CEP57L1: variants seen among roughly 807,000 people sequenced by gnomAD.
CEP57L1 encodes centrosomal protein 57 like 1, also known as centrosomal protein CEP57L1.
CEP57L1 carries 37 observed loss-of-function variants against 61.0 expected under a neutral mutation model. The ratio of observed to expected loss-of-function variants is 0.61; its 90% CI spans 0.47 to 0.80. The LOEUF (loss-of-function observed/expected upper bound fraction) is 0.80. Ranked by LOEUF, CEP57L1 falls within the 30% of genes least tolerant of loss-of-function variation. The probability of loss-of-function intolerance (pLI) is 0.00; values close to 1 mark genes in which losing one functional copy is unlikely to be tolerated. For synonymous variants in CEP57L1, 137 were observed against 162.3 expected, an observed-to-expected ratio of 0.84 and a Z score of 1.19; for missense variants, 422 against 524.7, an observed-to-expected ratio of 0.80 and a Z score of 1.91.
chr6:109,171,574 T>C lies in CEP57L1; in HGVS notation c.*8604T>C, dbSNP rs1411772384. On this transcript the variant is annotated 3_prime_UTR_variant, in exon 11 of 11. Coordinates refer to ENST00000517392, the MANE Select transcript of CEP57L1 (RefSeq NM_001271852.3). ...GTTTGATTCTCTTAAACCGTTCTAC[T>C]AAAATACTATCAGTTTAAACTACCA... Among the ~76,000 whole-genome samples the C allele has an allele frequency of 8.5e-5, 13 of 152,070 alleles. No individual in the cohort carries two copies. Among genetic ancestry groups the C allele is most frequent in the Non-Finnish European group, 1.5e-5 (1 of 68,018 alleles).
chr6:109,107,940 C>CA lies in CEP57L1; in HGVS notation c.-4+12373dup, dbSNP rs200695567. 8.4e-3 allele frequency among the ~76,000 whole-genome samples: 1,260 copies of CA among 150,218 alleles called. 24 individuals are homozygous for CA. Among genetic ancestry groups the CA allele is most frequent in the African/African-American group, 0.03 (1,206 of 40,844 alleles). ...TGGGCGACACAGAGAGACTCTGTAT[C>CA]AAAAAAAAGAAAAGAAAAAATAAGT... is the stretch of plus-strand genomic sequence containing the variant. On this transcript the variant is annotated intron_variant, in intron 1 of 10. Transcript: ENST00000517392.
At chr6:109,131,430 G>A (rs1774192793) in intron 1 of CEP57L1, among the ~76,000 whole-genome samples, 1 of 152,038 alleles carries the variant, frequency 6.6e-6, no homozygotes, top group African/African-American at 2.4e-5. Context: ...TGTAATTGAA[G>A]AAGAACAAAC....
chr6:109,113,577 C>A (rs1338130947), intron 1 of CEP57L1, among the ~76,000 whole-genome samples: 2 of 152,058 alleles, frequency 1.3e-5, no homozygotes, highest in African/African-American at 4.8e-5. Flanking sequence ...AAGACTTCTT[C>A]ATTAAATCTA....
chr6:109,098,459 C>G (rs1475924203), intron 1 of CEP57L1, among the ~76,000 whole-genome samples: 1 of 151,812 alleles, frequency 6.6e-6, no homozygotes, highest in Non-Finnish European at 1.5e-5. Context: ...TTCTTTTTTC[C>G]TGAGACAGAA....
At position 109,142,320 on chromosome 6, in the gene CEP57L1, A is replaced by T. The variant is rs1583571784; in HGVS notation, c.-3-2899A>T. On this transcript the variant is annotated intron_variant, in intron 1 of 10. Transcript: ENST00000517392. ...GATCATGTCCTTGGCAGAGACATGG[A>T]TGGAGCTGGAAGCCATCATCCTTGG... Among the ~76,000 whole-genome samples the T allele has an allele frequency of 2.6e-5, 4 of 152,314 alleles. No individual in the cohort carries two copies. In the South Asian group the frequency reaches 8.3e-4, roughly 32 times the overall value.
intron 1 of CEP57L1, among the ~76,000 whole-genome samples, chr6:109,140,096 A>C (rs1201269193): frequency 6.6e-6 from 1 of 151,698 alleles, no homozygotes; most frequent in Non-Finnish European, 1.5e-5. Flanking sequence ...TTATTTATTT[A>C]TGTATTTATT....
At chr6:109,130,224 C>A (rs756067367) in intron 1 of CEP57L1, among the ~76,000 whole-genome samples, 24 of 152,176 alleles carry the variant, frequency 1.6e-4, no homozygotes, top group African/African-American at 5.8e-4. Flanking sequence ...CACTCCCCCC[C>A]AGCAACCACC....
chr6:109,112,184 G>A (rs1225120762), intron 1 of CEP57L1, among the ~76,000 whole-genome samples: 2 of 151,950 alleles, frequency 1.3e-5, no homozygotes, highest in East Asian at 3.9e-4. Flanking sequence ...GCTATTAATT[G>A]CCCCCTCAAT....
rs141855259 is a variant in CEP57L1, at chr6:109,118,486, G to A, written c.-4+22911G>A. On this transcript the variant is annotated intron_variant, in intron 1 of 10. Coordinates refer to ENST00000517392, the MANE Select transcript of CEP57L1 (RefSeq NM_001271852.3). ...AAGTCTGGTTTGAAAAAAAAGTAAG[G>A]GGCTTAATGGTGTGTCTCTGCAGCC... 3.3e-5 allele frequency among the ~76,000 whole-genome samples: 5 copies of A among 152,254 alleles called. No individual in the cohort carries two copies. The East Asian group carries it at 9.6e-4, about 29-fold the overall frequency.
Position 109,167,691 on chromosome 6 carries a change from AAG to A in CEP57L1, c.*4723_*4724del, listed in dbSNP as rs1491467082. The stretch of plus-strand genomic sequence containing the variant: ...GACTCTGCCTCAAAGCAAAAAAAAA[AAG>A]AAAAGAAAAGAAAAAAGGAATAGCC... On this transcript the variant is annotated 3_prime_UTR_variant, in exon 11 of 11. Transcript: ENST00000517392. Among the ~76,000 whole-genome samples, 173 of 151,616 alleles carry A rather than the reference AAG, an allele frequency of 1.1e-3. 1 individual carries two copies. Among genetic ancestry groups the A allele is most frequent in the African/African-American group, 4.0e-3 (163 of 41,160 alleles).
rs964326036 is a variant in CEP57L1 at position 109,167,471 on chromosome 6, C to G, written c.*4501C>G. Among the ~76,000 whole-genome samples, 2 of 152,000 alleles carry G rather than the reference C, an allele frequency of 1.3e-5. No homozygotes were observed. The highest frequency in any genetic ancestry group is 4.8e-5 in the African/African-American group (2 of 41,386). ...GCCGAGGCAGGCGGATCACCTAAGT[C>G]AGGAGTTCAACACCAGCCTGGCCAA... is the stretch of plus-strand genomic sequence containing the variant. On this transcript the variant is annotated 3_prime_UTR_variant, in exon 11 of 11. Transcript: ENST00000517392.
chr6:109,155,081 A>G, intron 5 of CEP57L1, 149 bp from the exon 6 acceptor site: 1 of 408,020 alleles, frequency 2.5e-6, no homozygotes. Flanking sequence ...AAAAATCTTA[A>G]CATCTTGTGC....
intron 1 of CEP57L1, among the ~76,000 whole-genome samples, chr6:109,122,894 C>G (rs543930098): frequency 6.6e-6 from 1 of 152,302 alleles, no homozygotes; most frequent in East Asian, 1.9e-4. Flanking sequence ...TGTAGACACA[C>G]TTCTAATAAA....
intron 4 of CEP57L1, among the ~76,000 whole-genome samples, chr6:109,151,898 C>A (rs1772653916): frequency 6.6e-6 from 1 of 152,052 alleles, no homozygotes. Context: ...AATGTGTCAT[C>A]ATTTCTCAGG....
rs1773976393 is a variant in CEP57L1 at position 109,164,713 on chromosome 6, A to G, written c.*1743A>G. Among the ~76,000 whole-genome samples, 1 of 152,176 alleles carries G rather than the reference A, an allele frequency of 6.6e-6. No individual in the cohort carries two copies. Among genetic ancestry groups the G allele is most frequent in the Non-Finnish European group, 1.5e-5 (1 of 68,034 alleles). On this transcript the variant is annotated 3_prime_UTR_variant, in exon 11 of 11. Coordinates refer to ENST00000517392, the MANE Select transcript of CEP57L1 (RefSeq NM_001271852.3). The stretch of plus-strand genomic sequence containing the variant: ...TGCCTTTGTTTTCTATACATTTAGG[A>G]AGGTGGCTGAATATATTTAGTTATT...
intron 1 of CEP57L1, among the ~76,000 whole-genome samples, chr6:109,099,508 C>G (rs1467815213): frequency 6.6e-6 from 1 of 152,026 alleles, no homozygotes; most frequent in Non-Finnish European, 1.5e-5. Context: ...GTAAAGGGTA[C>G]AAAAGCCAGA....
intron 9 of CEP57L1, among the ~76,000 whole-genome samples, chr6:109,159,911 T>C (rs1359124524): frequency 6.6e-6 from 1 of 152,192 alleles, no homozygotes. Flanking sequence ...GCTCTCCTTT[T>C]GTGTTTTAGA....
At chr6:109,121,429 A>T (rs1346211261) in intron 1 of CEP57L1, among the ~76,000 whole-genome samples, 3 of 152,154 alleles carry the variant, frequency 2.0e-5, no homozygotes, top group African/African-American at 7.2e-5. Flanking sequence ...GAAGTTCTTA[A>T]ATAATTTTTT....
At position 109,123,660 on chromosome 6, in the gene CEP57L1, C is replaced by T. The variant is rs74785340; in HGVS notation, c.-3-21559C>T. Among the ~76,000 whole-genome samples, 1,262 of 152,298 alleles carry T rather than the reference C, an allele frequency of 8.3e-3. 24 individuals are homozygous for T. The highest frequency in any genetic ancestry group is 0.029 in the African/African-American group (1,211 of 41,548). On this transcript the variant is annotated intron_variant, in intron 1 of 10. Transcript: ENST00000517392. Reference sequence around the variant, plus strand: ...ACCTTGGTTACAACTTTATTTCATTCTTCCCTGTCACGAGTTTTCCTTGTT... The same window carrying T: ...ACCTTGGTTACAACTTTATTTCATTTTTCCCTGTCACGAGTTTTCCTTGTT...
Sources: allele counts gnomAD v4.1 joint callset (sites outside exome capture counted in the v4.1 genomes callset), GRCh38; gene constraint gnomAD v4.1.1; transcripts MANE v1.5; gene names NCBI Gene and HGNC (gene_info 2026-07-23, HGNC 2026-07-21).